GALNTL6: variants seen among roughly 807,000 people sequenced by gnomAD.
GALNTL6 encodes polypeptide N-acetylgalactosaminyltransferase like 6, also known as polypeptide N-acetylgalactosaminyltransferase-like 6.
Under a neutral mutation model 73.7 loss-of-function variants are expected in GALNTL6, and 46 were observed. The observed-to-expected ratio is 0.62, with a 90% CI of 0.49 to 0.80. The LOEUF is 0.80. Ranked by LOEUF, GALNTL6 falls within the 30% of genes least tolerant of loss-of-function variation. GALNTL6 has a pLI of 0.00. For synonymous variants in GALNTL6, 259 were observed against 263.7 expected, an observed-to-expected ratio of 0.98 and a Z score of 0.17; for missense variants, 604 against 755.0, an observed-to-expected ratio of 0.80 and a Z score of 2.34.
At chr4:172,826,281 A>G (rs12510484) in intron 7 of GALNTL6, among the ~76,000 whole-genome samples, 13,912 of 152,292 alleles carry the variant, frequency 0.091, 737 homozygotes, top group East Asian at 0.21. Context: ...GTAGGGATGC[A>G]TGGAGAATTG....
intron 10 of GALNTL6, among the ~76,000 whole-genome samples, chr4:172,977,685 A>G (rs983099495): frequency 6.6e-6 from 1 of 152,126 alleles, no homozygotes; most frequent in Non-Finnish European, 1.5e-5. Context: ...GGGAGACTCT[A>G]TGGGAGTCTT....
intron 7 of GALNTL6, among the ~76,000 whole-genome samples, chr4:172,854,834 T>C (rs1382568551): frequency 6.6e-6 from 1 of 152,234 alleles, no homozygotes; most frequent in Non-Finnish European, 1.5e-5. Flanking sequence ...GTAAACTCTT[T>C]AAAAATGGGA....
chr4:172,566,201 T>C (rs79981148), intron 5 of GALNTL6, among the ~76,000 whole-genome samples: 53 of 152,252 alleles, frequency 3.5e-4, no homozygotes, highest in African/African-American at 1.1e-3. Flanking sequence ...ACACCTAACA[T>C]ACAGATACAA....
In GALNTL6 at chr4:172,854,823, G is replaced by A. The variant is rs145223429; in HGVS notation, c.924-27967G>A. 3.0e-3 allele frequency among the ~76,000 whole-genome samples: 451 copies of A among 152,142 alleles called. 2 individuals carry two copies. The highest frequency in any genetic ancestry group is 0.01 in the African/African-American group (431 of 41,504). On this transcript the variant is annotated intron_variant, in intron 7 of 12. Transcript: ENST00000506823. ...CCTCTCCAAGTCATCGCAACTAGACGGTAAACTCTTTAAAAATGGGAAGTA... is the reference window on the plus strand; with the variant it reads ...CCTCTCCAAGTCATCGCAACTAGACAGTAAACTCTTTAAAAATGGGAAGTA...
At chr4:172,454,818 C>A (rs1732331562) in intron 5 of GALNTL6, among the ~76,000 whole-genome samples, 1 of 152,040 alleles carries the variant, frequency 6.6e-6, no homozygotes, top group Non-Finnish European at 1.5e-5. Flanking sequence ...AGCTCTCCAG[C>A]CCCATTGCTA....
intron 5 of GALNTL6, among the ~76,000 whole-genome samples, chr4:172,689,281 T>C (rs999547001): frequency 4.6e-5 from 7 of 152,288 alleles, no homozygotes; most frequent in South Asian, 2.1e-4. Flanking sequence ...AAAGTAGAAT[T>C]GGATACGGAG....
chr4:172,994,598 C>T (rs1048958948), intron 10 of GALNTL6, among the ~76,000 whole-genome samples: 41 of 152,262 alleles, frequency 2.7e-4, no homozygotes, highest in Non-Finnish European at 1.0e-4. Flanking sequence ...CCTTAAAGAG[C>T]CAAGTCATCT....
At position 172,733,306 on chromosome 4, in the gene GALNTL6, C is replaced by T. The variant is rs528068506; in HGVS notation, c.554-76055C>T. On this transcript the variant is annotated intron_variant, in intron 5 of 12. Coordinates refer to ENST00000506823, the MANE Select transcript of GALNTL6 (RefSeq NM_001034845.3). ...AAGCCTGTTGCCAAACTAATTGTAGCTCCCTTATATATTACTTGATTATTT... is the reference window on the plus strand; with the variant it reads ...AAGCCTGTTGCCAAACTAATTGTAGTTCCCTTATATATTACTTGATTATTT... 5.9e-5 allele frequency among the ~76,000 whole-genome samples: 9 copies of T among 152,268 alleles called. No homozygotes were observed. In the East Asian group the frequency reaches 1.5e-3, roughly 26 times the overall value.
chr4:171,986,729 T>C (rs150363886), intron 2 of GALNTL6, among the ~76,000 whole-genome samples: 11,426 of 152,154 alleles, frequency 0.075, 616 homozygotes, highest in Non-Finnish European at 0.12. Context: ...TACCGTTTTG[T>C]ATGAATTGAA....
At chr4:172,918,775 T>TA (rs1747655527) in intron 8 of GALNTL6, among the ~76,000 whole-genome samples, 2 of 152,194 alleles carry the variant, frequency 1.3e-5, no homozygotes, top group African/African-American at 4.8e-5. Context: ...ATGAAGTAGA[T>TA]ACATTACCCC....
chr4:172,473,775 C>G (rs980729625), intron 5 of GALNTL6, among the ~76,000 whole-genome samples: 18 of 152,196 alleles, frequency 1.2e-4, no homozygotes, highest in African/African-American at 3.9e-4. Flanking sequence ...CTGCTCCCTT[C>G]CTGAGTTAAT....
chr4:172,450,657 A>T (rs150629703), intron 5 of GALNTL6, among the ~76,000 whole-genome samples: 2 of 152,274 alleles, frequency 1.3e-5, no homozygotes, highest in Non-Finnish European at 2.9e-5. Context: ...CACCAACCTC[A>T]TTCCTTTTCT....
chr4:172,631,815 A>G (rs1034392477), intron 5 of GALNTL6, among the ~76,000 whole-genome samples: 7 of 152,232 alleles, frequency 4.6e-5, no homozygotes, highest in African/African-American at 1.7e-4. Flanking sequence ...GTACATCTTT[A>G]ATAAAGTACT....
intron 3 of GALNTL6, among the ~76,000 whole-genome samples, chr4:172,284,051 G>A (rs1739163689): frequency 6.6e-6 from 1 of 152,036 alleles, no homozygotes; most frequent in Admixed American, 6.6e-5. Flanking sequence ...ATGAGTGAAG[G>A]TGGAATTTGA....
In GALNTL6 at chr4:172,749,748, A is replaced by G. The variant is rs115454283; in HGVS notation, c.554-59613A>G. ...GATAGCTTTACAGCTCTTAATTTGA[A>G]AAGAATTAGCATCTTAATATTATTC... On this transcript the variant is annotated intron_variant, in intron 5 of 12. Transcript: ENST00000506823. Among the ~76,000 whole-genome samples the G allele has an allele frequency of 3.9e-3, 594 of 151,926 alleles. 6 individuals are homozygous for G. Among genetic ancestry groups the G allele is most frequent in the African/African-American group, 0.014 (560 of 41,474 alleles).
At chr4:172,458,514 A>G (rs1732489748) in intron 5 of GALNTL6, among the ~76,000 whole-genome samples, 1 of 152,024 alleles carries the variant, frequency 6.6e-6, no homozygotes, top group Non-Finnish European at 1.5e-5. Flanking sequence ...AATCAAATAG[A>G]GGCAATAAAA....
chr4:171,970,996 T>C (rs1414012577), intron 2 of GALNTL6, among the ~76,000 whole-genome samples: 2 of 152,178 alleles, frequency 1.3e-5, no homozygotes, highest in African/African-American at 4.8e-5. Flanking sequence ...TCTGAGAAAT[T>C]AGTAGCAGGG....
intron 2 of GALNTL6, among the ~76,000 whole-genome samples, chr4:171,838,134 A>ATTTT (rs201226304): frequency 1.3e-5 from 2 of 150,588 alleles, no homozygotes; most frequent in African/African-American, 4.9e-5. Context: ...TTATTTATTT[A>ATTTT]TTTTTTGAGA....
At chr4:171,844,067 G>A (rs1389142187) in intron 2 of GALNTL6, among the ~76,000 whole-genome samples, 1 of 152,156 alleles carries the variant, frequency 6.6e-6, no homozygotes, top group Non-Finnish European at 1.5e-5. Flanking sequence ...TGATTGTGTT[G>A]TGAAATGAGA....
Sources: allele counts gnomAD v4.1 joint callset (sites outside exome capture counted in the v4.1 genomes callset), GRCh38; gene constraint gnomAD v4.1.1; transcripts MANE v1.5; gene names NCBI Gene and HGNC (gene_info 2026-07-23, HGNC 2026-07-21).